PLCG1: variants seen among roughly 807,000 people sequenced by gnomAD.
PLCG1 encodes the protein phospholipase C gamma 1, also known as 1-phosphatidylinositol 4,5-bisphosphate phosphodiesterase gamma-1.
A neutral mutation model predicts 177.8 loss-of-function variants in PLCG1; 71 were observed. The ratio of observed to expected loss-of-function variants is 0.40; its 90% CI spans 0.33 to 0.49. The LOEUF (loss-of-function observed/expected upper bound fraction) is 0.49. PLCG1 is among the 20% of genes least tolerant of loss of function. PLCG1 has a pLI of 0.72. For missense variants in PLCG1, 1,281 were observed against 1,709.0 expected (o/e 0.75, Z 4.42); for synonymous variants, 658 against 647.9 (o/e 1.02, Z -0.24).
chr20:41,137,713 C>T lies in PLCG1; in HGVS notation c.72C>T (p.His24=). 1 of 1,312,664 alleles carries T rather than the reference C, an allele frequency of 7.6e-7. No individual in the cohort carries two copies. The highest frequency in any genetic ancestry group is 9.7e-7 in the Non-Finnish European group (1 of 1,025,858). The allele number at this position is 1,312,664 out of a possible 1,614,324, so 81.3% of individuals were successfully genotyped here. Residue 24 remains histidine (H), a synonymous_variant, in exon 1 of 32, where the codon CAC becomes CAT. Transcript: ENST00000685551. The surrounding 1 kb of genome is among the most constrained non-coding windows in gnomAD (Gnocchi z 7.3). The stretch of plus-strand genomic sequence containing the variant: ...CGCCCTCGGACGCCGAGGTGCTGCA[C>T]CTCTGCCGCAGCCTCGAGGTGGGCA... ...PGAPSDAEVL[H]LCRSLEVGTV...
Position 41,164,032 on chromosome 20 carries a change from G to C in PLCG1, c.1096+26G>C. 6.2e-7 allele frequency: 1 copy of C among 1,614,186 alleles called. No homozygotes were observed. Among genetic ancestry groups the C allele is most frequent in the Admixed American group, 1.7e-5 (1 of 60,026 alleles). On this transcript the variant is annotated intron_variant, in intron 11 of 31. Coordinates refer to ENST00000685551, the MANE Select transcript of PLCG1 (RefSeq NM_002660.3). The surrounding 1 kb of genome is among the most constrained non-coding windows in gnomAD (Gnocchi z 6.4). Reference sequence around the variant, plus strand: ...GTGCGTGGGGTCCAGGGCTGGGGGAGGGAAGATGGGAGGCCTGCCCGCTTG... The same window carrying C: ...GTGCGTGGGGTCCAGGGCTGGGGGACGGAAGATGGGAGGCCTGCCCGCTTG...
intron 1 of PLCG1, among the ~76,000 whole-genome samples, chr20:41,143,390 A>AT (rs991645800): frequency 3.3e-5 from 5 of 152,210 alleles, no homozygotes; most frequent in East Asian, 1.9e-4. Flanking sequence ...TAGGAGACTG[A>AT]TTTTTCCCCC....
At chr20:41,171,946 A>T (rs1478437497) in intron 24 of PLCG1, among the ~76,000 whole-genome samples, 1 of 151,756 alleles carries the variant, frequency 6.6e-6, no homozygotes, top group Non-Finnish European at 1.5e-5. Context: ...TGTATCCCCC[A>T]CCCCCCCTAA....
rs187063198 is a variant in PLCG1 at position 41,165,112 on chromosome 20, G to A, written c.1386+11G>A. The A allele has an allele frequency of 1.4e-5, 22 of 1,609,550 alleles. No individual in the cohort carries two copies. The highest frequency in any genetic ancestry group is 1.7e-4 in the Middle Eastern group (1 of 6,044). On this transcript the variant is annotated intron_variant, in intron 13 of 31. Coordinates refer to ENST00000685551, the MANE Select transcript of PLCG1 (RefSeq NM_002660.3). The surrounding 1 kb of genome is among the most constrained non-coding windows in gnomAD (Gnocchi z 6.6). ...AAGATCCTCATCAAGGTGGGGTGGC[G>A]GGCTTATTGCGGAAGCCCCACACTT...
At chr20:41,170,358 G>A (rs1305382713) in intron 24 of PLCG1, 89 bp downstream of exon 24, 1 of 1,416,922 alleles carries the variant, frequency 7.1e-7, no homozygotes, top group East Asian at 2.4e-5. Context: ...CCCCCTCAGA[G>A]CAGTGGGGCA....
intron 21 of PLCG1, 101 bp downstream of exon 21, chr20:41,168,971 C>T: frequency 8.8e-7 from 1 of 1,140,740 alleles, no homozygotes; most frequent in Non-Finnish European, 1.3e-6. Context: ...TGTGCACCAG[C>T]AGTGCCTGCC....
Position 41,160,429 on chromosome 20 carries a change from G to A in PLCG1, c.512+276G>A, listed in dbSNP as rs1203694157. On this transcript the variant is annotated intron_variant, in intron 4 of 31. Transcript: ENST00000685551. This position sits in a 1 kb window ranked among gnomAD's most constrained non-coding sequence, Gnocchi z 5.5. ...AGAACTGGCTTTGGGTGTCCTGGAG[G>A]TGAGGGTGGCCAGTAGCGTGTGAAG... is the stretch of plus-strand genomic sequence containing the variant. 6.6e-6 allele frequency among the ~76,000 whole-genome samples: 1 copy of A among 152,044 alleles called. No homozygotes were observed. Among genetic ancestry groups the A allele is most frequent in the Non-Finnish European group, 1.5e-5 (1 of 68,002 alleles).
At chr20:41,168,198 G>C (rs370343586) in intron 20 of PLCG1, among the ~76,000 whole-genome samples, 1 of 152,196 alleles carries the variant, frequency 6.6e-6, no homozygotes, top group Non-Finnish European at 1.5e-5. Flanking sequence ...GGGCAGCAGC[G>C]GGGTAGGAGC....
At position 41,165,334 on chromosome 20, in the gene PLCG1, T is replaced by C; in HGVS notation, c.1476T>C (p.Asn492=). ...ACGACATCAGCAACTCTATCAAGAA[T>C]GGCATCCTCTACCTGGAGGACCCTG... is the stretch of plus-strand genomic sequence containing the variant. ...SENDISNSIK[N]GILYLEDPVN... Residue 492 remains asparagine, a synonymous_variant, in exon 14 of 32, where the codon AAT becomes AAC. Coordinates refer to ENST00000685551, the MANE Select transcript of PLCG1 (RefSeq NM_002660.3). The surrounding 1 kb of genome is among the most constrained non-coding windows in gnomAD (Gnocchi z 6.6). The C allele has an allele frequency of 6.2e-7, 1 of 1,614,138 alleles. No individual in the cohort carries two copies. Among genetic ancestry groups the C allele is most frequent in the South Asian group, 1.1e-5 (1 of 91,082 alleles).
chr20:41,146,994 C>T lies in PLCG1; in HGVS notation c.217+9136C>T, dbSNP rs558816764. On this transcript the variant is annotated intron_variant, in intron 1 of 31. Coordinates refer to ENST00000685551, the MANE Select transcript of PLCG1 (RefSeq NM_002660.3). The surrounding 1 kb of genome is among the most constrained non-coding windows in gnomAD (Gnocchi z 6.3). ...GAGCTAAGGAATACAACTCCATTCC[C>T]TCAGTTGGGAGGTTGGGCAGCGATG... Among the ~76,000 whole-genome samples the T allele has an allele frequency of 2.2e-4, 34 of 152,244 alleles. No homozygotes were observed. The highest frequency in any genetic ancestry group is 7.0e-4 in the African/African-American group (29 of 41,534).
At chr20:41,158,560 GC>G in intron 1 of PLCG1, among the ~76,000 whole-genome samples, 1 of 152,288 alleles carries the variant, frequency 6.6e-6, no homozygotes. Context: ...CATTGGATGG[GC>G]CCCCTCCATG....
In PLCG1 at chr20:41,167,551, T is replaced by G; in HGVS notation, c.2302-301T>G. Reference sequence around the variant, plus strand: ...ACTGAACTAAAGCACTGAATATGGGTAGTCTGTGAAGGGCCCACCTGCACA... The same window carrying G: ...ACTGAACTAAAGCACTGAATATGGGGAGTCTGTGAAGGGCCCACCTGCACA... On this transcript the variant is annotated intron_variant, in intron 19 of 31. Coordinates refer to ENST00000685551, the MANE Select transcript of PLCG1 (RefSeq NM_002660.3). This position sits in a 1 kb window ranked among gnomAD's most constrained non-coding sequence, Gnocchi z 4.4. The G allele has an allele frequency of 5.2e-6, 2 of 383,270 alleles. No homozygotes were observed. The highest frequency in any genetic ancestry group is 5.3e-5 in the East Asian group (1 of 18,986). The allele number at this position is 383,270 out of a possible 1,614,324, so 23.7% of individuals were successfully genotyped here.
chr20:41,144,552 C>G lies in PLCG1; in HGVS notation c.217+6694C>G, dbSNP rs991903987. Among the ~76,000 whole-genome samples the G allele has an allele frequency of 6.6e-6, 1 of 152,192 alleles. No individual in the cohort carries two copies. Among genetic ancestry groups the G allele is most frequent in the East Asian group, 1.9e-4 (1 of 5,200 alleles). On this transcript the variant is annotated intron_variant, in intron 1 of 31. Transcript: ENST00000685551. This position sits in a 1 kb window ranked among gnomAD's most constrained non-coding sequence, Gnocchi z 4.1. ...GTAGCCGCTGATTGGGGGTGGGACA[C>G]AGAAGAGCCTCACCCTCTTGACTTT...
At position 41,144,135 on chromosome 20, in the gene PLCG1, C is replaced by A. The variant is rs369139855; in HGVS notation, c.217+6277C>A. ...TTTCTCACCTGTTGTATTGTTTGAA[C>A]TTCACAGCAGCTCCATGAATCCATG... On this transcript the variant is annotated intron_variant, in intron 1 of 31. Coordinates refer to ENST00000685551, the MANE Select transcript of PLCG1 (RefSeq NM_002660.3). This position sits in a 1 kb window ranked among gnomAD's most constrained non-coding sequence, Gnocchi z 4.1. 5.1e-4 allele frequency among the ~76,000 whole-genome samples: 77 copies of A among 152,314 alleles called. 1 individual carries two copies. The highest frequency in any genetic ancestry group is 4.8e-3 in the East Asian group (25 of 5,182).
Position 41,176,398 on chromosome 20 carries a change from C to G in PLCG1, c.*1889C>G, listed in dbSNP as rs1165510702. The G allele has an allele frequency of 1.3e-5, 2 of 152,148 alleles. No individual in the cohort carries two copies. The highest frequency in any genetic ancestry group is 6.5e-5 in the Admixed American group (1 of 15,282). 9.4% of individuals were successfully genotyped at this position (152,148 alleles called of 1,614,324 possible). Reference sequence around the variant, plus strand: ...GGAATTCACCTGGGCCCTCATGATCCATGTTTCCTCTCTAGGTTTTTATGG... The same window carrying G: ...GGAATTCACCTGGGCCCTCATGATCGATGTTTCCTCTCTAGGTTTTTATGG... On this transcript the variant is annotated 3_prime_UTR_variant, in exon 32 of 32. Transcript: ENST00000685551.
At chr20:41,139,948 T>C (rs1010541070) in intron 1 of PLCG1, among the ~76,000 whole-genome samples, 3 of 152,222 alleles carry the variant, frequency 2.0e-5, no homozygotes, top group Non-Finnish European at 4.4e-5. Context: ...TGTTTGCAGT[T>C]GTGCACATTT....
In PLCG1 at chr20:41,177,476, CACTT is replaced by C. The variant is rs1043295194; in HGVS notation, c.*2968_*2971del. ...GAACATCACTAAGGACCTAGACACTCACTTGTCTTTCAACTTGAGCCCATCACTC... is the reference window on the plus strand; with the variant it reads ...GAACATCACTAAGGACCTAGACACTCGTCTTTCAACTTGAGCCCATCACTC... On this transcript the variant is annotated 3_prime_UTR_variant, in exon 32 of 32. Coordinates refer to ENST00000685551, the MANE Select transcript of PLCG1 (RefSeq NM_002660.3). 3 of 152,260 alleles carry C rather than the reference CACTT, an allele frequency of 2.0e-5. No individual in the cohort carries two copies. The highest frequency in any genetic ancestry group is 2.9e-5 in the Non-Finnish European group (2 of 68,052). 9.4% of individuals were successfully genotyped at this position (152,260 alleles called of 1,614,324 possible).
At position 41,148,391 on chromosome 20, in the gene PLCG1, T is replaced by C. The variant is rs1472007035; in HGVS notation, c.217+10533T>C. Among the ~76,000 whole-genome samples the C allele has an allele frequency of 6.6e-6, 1 of 152,102 alleles. No individual in the cohort carries two copies. The highest frequency in any genetic ancestry group is 2.4e-5 in the African/African-American group (1 of 41,424). ...CACCACTATGAGTCCTAGGCCCCTG[T>C]TGTTTCCTTGTAGGAGGGAGACCCC... On this transcript the variant is annotated intron_variant, in intron 1 of 31. Transcript: ENST00000685551. The surrounding 1 kb of genome is among the most constrained non-coding windows in gnomAD (Gnocchi z 4.3).
rs2035617046 is a variant in PLCG1 at position 41,164,514 on chromosome 20, G to C, written c.1217+313G>C. 6.6e-6 allele frequency among the ~76,000 whole-genome samples: 1 copy of C among 152,000 alleles called. No individual in the cohort carries two copies. The highest frequency in any genetic ancestry group is 1.5e-5 in the Non-Finnish European group (1 of 68,016). ...AGGCCAGTGTCCTGCCAACTCCTTT[G>C]CCCTCACAGCCCAGAAGATTGTCTC... On this transcript the variant is annotated intron_variant, in intron 12 of 31. Transcript: ENST00000685551. This position sits in a 1 kb window ranked among gnomAD's most constrained non-coding sequence, Gnocchi z 6.4.
Sources: allele counts gnomAD v4.1 joint callset (sites outside exome capture counted in the v4.1 genomes callset), GRCh38; gene constraint gnomAD v4.1.1; non-coding constraint Gnocchi (gnomAD v3.1); transcripts MANE v1.5; gene names NCBI Gene and HGNC (gene_info 2026-07-23, HGNC 2026-07-21).